Variants in MAGI2 observed in about 807,000 individuals in gnomAD.
MAGI2 encodes the protein membrane-associated guanylate kinase, WW and PDZ domain-containing protein 2.
A neutral mutation model predicts 133.3 loss-of-function variants in MAGI2; 35 were observed. The ratio of observed to expected loss-of-function variants is 0.26; its 90% CI spans 0.20 to 0.35. The LOEUF is 0.35. Among genes scored for constraint, MAGI2 ranks in the 10% least tolerant of loss-of-function variants. The pLI is 1.00. For synonymous variants in MAGI2, 729 were observed against 710.6 expected (o/e 1.03, Z -0.41); for missense variants, 1,636 against 1,863.4 (o/e 0.88, Z 2.25).
At chr7:79,400,569 A>C (rs1156974041) in intron 1 of MAGI2, among the ~76,000 whole-genome samples, 3 of 152,150 alleles carry the variant, frequency 2.0e-5, no homozygotes, top group African/African-American at 7.2e-5. Context: ...CTAAATGCAA[A>C]CTGCAATGAT....
chr7:78,656,101 C>T (rs1812247914), intron 2 of MAGI2, among the ~76,000 whole-genome samples: 1 of 152,028 alleles, frequency 6.6e-6, no homozygotes, highest in African/African-American at 2.4e-5. Context: ...AAAAAACAGC[C>T]TAAGAGGCTG....
chr7:78,969,523 C>T (rs978343112), intron 2 of MAGI2, among the ~76,000 whole-genome samples: 4 of 152,156 alleles, frequency 2.6e-5, no homozygotes, highest in African/African-American at 7.2e-5. Context: ...AGCCGATTCA[C>T]GTCTACAATA....
At chr7:78,972,585 T>C (rs1226530579) in intron 2 of MAGI2, among the ~76,000 whole-genome samples, 2 of 151,848 alleles carry the variant, frequency 1.3e-5, no homozygotes, top group African/African-American at 2.4e-5. Context: ...AGAATTGAGG[T>C]AGATTTCATA....
intron 6 of MAGI2, among the ~76,000 whole-genome samples, chr7:78,377,676 TAAAA>T (rs1438997484): frequency 6.6e-6 from 1 of 151,016 alleles, no homozygotes; most frequent in African/African-American, 2.4e-5. Context: ...AAAATAAAAA[TAAAA>T]AAGGCATCCA....
At chr7:78,114,715 G>A (rs1819686173) in intron 20 of MAGI2, among the ~76,000 whole-genome samples, 1 of 152,186 alleles carries the variant, frequency 6.6e-6, no homozygotes, top group African/African-American at 2.4e-5. Flanking sequence ...GAGCCCTAGG[G>A]ATCACAGTAC....
chr7:78,491,871 TTGTGTGTGTGTGTGTGTGTGTGTG>T (rs10598552), intron 5 of MAGI2, among the ~76,000 whole-genome samples: 6 of 141,202 alleles, frequency 4.2e-5, no homozygotes, highest in South Asian at 4.8e-4. Flanking sequence ...TCCGTTCAAA[TTGTGTGTGTGTGTGTGTGTGTGTG>T]TGTGTGTGTG....
chr7:78,491,871 TTGTGTG>T (rs10598552), intron 5 of MAGI2, among the ~76,000 whole-genome samples: 11,172 of 141,094 alleles, frequency 0.079, 624 homozygotes, highest in African/African-American at 0.15. Context: ...TCCGTTCAAA[TTGTGTG>T]TGTGTGTGTG....
intron 3 of MAGI2, among the ~76,000 whole-genome samples, chr7:78,587,838 A>C (rs1191632673): frequency 1.3e-5 from 2 of 152,240 alleles, no homozygotes; most frequent in East Asian, 3.8e-4. Flanking sequence ...AAAGATTCAG[A>C]ATTTATAATC....
chr7:78,101,903 G>A (rs1583904928), intron 20 of MAGI2, among the ~76,000 whole-genome samples: 3 of 152,122 alleles, frequency 2.0e-5, no homozygotes, highest in Admixed American at 6.5e-5. Context: ...GAAGAAATCC[G>A]TGTATGCCCA....
intron 7 of MAGI2, among the ~76,000 whole-genome samples, chr7:78,361,536 C>CTTTA (rs1792811535): frequency 6.6e-6 from 1 of 151,210 alleles, no homozygotes; most frequent in African/African-American, 2.4e-5. Flanking sequence ...TTATTATTGG[C>CTTTA]TTTAGGACAA....
chr7:78,343,866 G>C lies in MAGI2; in HGVS notation c.1320C>G (p.Ile440Met), dbSNP rs1242117693. Residue 440 changes from isoleucine (I) to methionine (M), a missense_variant, in exon 9 of 22, where the codon ATC (isoleucine) becomes ATG (methionine). Physicochemically the swap from Ile to Met is conservative, Grantham distance 10. Transcript: ENST00000354212. ...ACTCATCAGGCTCGTCTCCACCAAT[G>C]ATGGTAAATCCAAAGCCCATGTTGC... ...KKSNMGFGFT[I>M]IGGDEPDEFL... The C allele has an allele frequency of 6.2e-7, 1 of 1,613,532 alleles. No homozygotes were observed. The highest frequency in any genetic ancestry group is 8.5e-7 in the Non-Finnish European group (1 of 1,179,776).
chr7:79,366,077 A>G (rs1242305245), intron 1 of MAGI2, among the ~76,000 whole-genome samples: 2 of 151,380 alleles, frequency 1.3e-5, no homozygotes, highest in African/African-American at 4.9e-5. Context: ...CCCCGTTTCT[A>G]CTACAAATAC....
chr7:78,604,540 C>A (rs1166067590), intron 3 of MAGI2, among the ~76,000 whole-genome samples: 1 of 152,146 alleles, frequency 6.6e-6, no homozygotes, highest in African/African-American at 2.4e-5. Context: ...GAGCATCTCC[C>A]ATGTGCCACA....
At chr7:79,031,219 T>A (rs1253132600) in intron 1 of MAGI2, among the ~76,000 whole-genome samples, 1 of 152,198 alleles carries the variant, frequency 6.6e-6, no homozygotes, top group Non-Finnish European at 1.5e-5. Flanking sequence ...CACAACTCCA[T>A]TCTCATCATT....
chr7:79,037,111 A>G (rs1280457326), intron 1 of MAGI2, among the ~76,000 whole-genome samples: 1 of 152,180 alleles, frequency 6.6e-6, no homozygotes. Flanking sequence ...AATGACAGAA[A>G]TAAGCGAAGC....
intron 16 of MAGI2, among the ~76,000 whole-genome samples, chr7:78,153,051 A>G (rs1824044459): frequency 6.6e-6 from 1 of 152,250 alleles, no homozygotes; most frequent in South Asian, 2.1e-4. Flanking sequence ...GTATTTCAGT[A>G]GCTCTAGCAA....
chr7:79,134,307 G>C (rs573451239), intron 1 of MAGI2, among the ~76,000 whole-genome samples: 72 of 152,298 alleles, frequency 4.7e-4, no homozygotes, highest in Non-Finnish European at 7.8e-4. Flanking sequence ...ACAGGCATCT[G>C]TTTTGTCCAC....
intron 1 of MAGI2, among the ~76,000 whole-genome samples, chr7:79,306,154 G>C (rs1378879909): frequency 6.8e-5 from 10 of 147,630 alleles, no homozygotes; most frequent in African/African-American, 1.7e-4. Flanking sequence ...CTACAGGCAG[G>C]TGCTACCACA....
chr7:79,057,281 A>T (rs942170798), intron 1 of MAGI2, among the ~76,000 whole-genome samples: 4 of 152,180 alleles, frequency 2.6e-5, no homozygotes, highest in African/African-American at 9.7e-5. Context: ...GGACCACATG[A>T]GTTAGACATT....
Sources: allele counts gnomAD v4.1 joint callset (sites outside exome capture counted in the v4.1 genomes callset), GRCh38; gene constraint gnomAD v4.1.1; transcripts MANE v1.5; gene names NCBI Gene and HGNC (gene_info 2026-07-23, HGNC 2026-07-21).